Variants in XRRA1 observed in about 807,000 individuals in gnomAD.
XRRA1 encodes the protein X-ray radiation resistance-associated protein 1.
XRRA1 carries 69 observed loss-of-function variants against 80.2 expected under a neutral mutation model. The observed-to-expected ratio is 0.86, with a 90% CI of 0.71 to 1.05. XRRA1 has a LOEUF of 1.05. Among genes scored for constraint, XRRA1 ranks in the 50% least tolerant of loss-of-function variants. XRRA1 has a pLI of 0.00. For missense variants in XRRA1, 967 were observed against 976.4 expected, an observed-to-expected ratio of 0.99 and a Z score of 0.13; for synonymous variants, 348 against 389.9, an observed-to-expected ratio of 0.89 and a Z score of 1.27.
In XRRA1 at chr11:74,906,256, T is replaced by C; in HGVS notation, c.986A>G (p.Lys329Arg). 1 of 1,613,626 alleles carries C rather than the reference T, an allele frequency of 6.2e-7. No homozygotes were observed. The highest frequency in any genetic ancestry group is 8.5e-7 in the Non-Finnish European group (1 of 1,179,682). Residue 329 changes from lysine to arginine, a missense_variant, in exon 10 of 19, where the codon AAG (lysine) becomes AGG (arginine). Transcript: ENST00000684022. ...QLDYTVLPMK[K>R]DVDRTEVVFS... ...TCACTCACCTGTCCGGTCAACATCC[T>C]TTTTCATGGGCAGTACAGTATAATC...
At chr11:74,887,497 G>A (rs182996676) in intron 10 of XRRA1, among the ~76,000 whole-genome samples, 28 of 152,310 alleles carry the variant, frequency 1.8e-4, no homozygotes, top group Middle Eastern at 3.4e-3. Context: ...CAGCATGAGC[G>A]ACGCAGAACA....
chr11:74,934,272 T>C (rs1368378181), intron 4 of XRRA1, among the ~76,000 whole-genome samples: 2 of 152,254 alleles, frequency 1.3e-5, no homozygotes, highest in East Asian at 3.8e-4. Context: ...GACTGCCATA[T>C]GTCACCCGAC....
intron 10 of XRRA1, among the ~76,000 whole-genome samples, chr11:74,881,893 GCTTCC>G (rs1253056703): frequency 3.3e-5 from 5 of 149,816 alleles, no homozygotes; most frequent in Admixed American, 1.3e-4. Context: ...AGTCTGATGG[GCTTCC>G]CTTTGAGGGT....
intron 10 of XRRA1, among the ~76,000 whole-genome samples, chr11:74,896,464 G>C (rs940942244): frequency 6.6e-6 from 1 of 152,214 alleles, no homozygotes; most frequent in Non-Finnish European, 1.5e-5. Context: ...AGCGTGGGAA[G>C]GACTTTGTAC....
At chr11:74,892,882 T>A (rs1282671) in intron 10 of XRRA1, among the ~76,000 whole-genome samples, 1 of 144,012 alleles carries the variant, frequency 6.9e-6, no homozygotes, top group Non-Finnish European at 1.6e-5. Flanking sequence ...GTTAGAATGG[T>A]GATCATTAAA....
chr11:74,910,207 G>A (rs556918834), intron 8 of XRRA1, among the ~76,000 whole-genome samples: 1 of 152,254 alleles, frequency 6.6e-6, no homozygotes, highest in African/African-American at 2.4e-5. Context: ...ACAGAATAAG[G>A]GAGACATGGC....
rs573541292 is a variant in XRRA1, at chr11:74,948,028, A to G, written c.-73+900T>C. On this transcript the variant is annotated intron_variant, in intron 1 of 18. Coordinates refer to ENST00000684022, the MANE Select transcript of XRRA1 (RefSeq NM_001378157.1). ...ACGCCCGGCCGAGATAATTATTTTC[A>G]CATGAATTTTGGCTTCCCCAAGACA... 1.2e-3 allele frequency among the ~76,000 whole-genome samples: 181 copies of G among 152,310 alleles called. 2 individuals are homozygous for G. Among genetic ancestry groups the G allele is most frequent in the Non-Finnish European group, 1.6e-3 (110 of 68,024 alleles).
chr11:74,857,588 A>ATCTGAGTG (rs1399189520), intron 12 of XRRA1, among the ~76,000 whole-genome samples: 1 of 152,226 alleles, frequency 6.6e-6, no homozygotes, highest in African/African-American at 2.4e-5. Context: ...TACAGAGAAG[A>ATCTGAGTG]TCTGAGTGAC....
rs1186136222 is a variant in XRRA1, at chr11:74,880,478, T to C, written c.1004-17457A>G. On this transcript the variant is annotated intron_variant, in intron 10 of 18. Transcript: ENST00000684022. Reference sequence around the variant, plus strand: ...CTATTTCCTTCAGTTCTGCTCTGATTTTAGTTATTTCTTGCCTTCTGCTAG... The same window carrying C: ...CTATTTCCTTCAGTTCTGCTCTGATCTTAGTTATTTCTTGCCTTCTGCTAG... Among the ~76,000 whole-genome samples, 60 of 148,778 alleles carry C rather than the reference T, an allele frequency of 4.0e-4. 1 individual carries two copies. The East Asian group carries it at 9.5e-3, about 23-fold the overall frequency.
At chr11:74,906,698 C>T in intron 9 of XRRA1, 1 of 559,274 alleles carries the variant, frequency 1.8e-6, no homozygotes, top group Non-Finnish European at 3.1e-6. Flanking sequence ...AATGGCCTGG[C>T]ACAAAGTAGT....
At chr11:74,945,353 C>G (rs1307913384) in intron 1 of XRRA1, among the ~76,000 whole-genome samples, 1 of 152,054 alleles carries the variant, frequency 6.6e-6, no homozygotes, top group Non-Finnish European at 1.5e-5. Flanking sequence ...GAAGCACAAA[C>G]CTGAAAGGAC....
chr11:74,882,767 C>T (rs528233143), intron 10 of XRRA1, among the ~76,000 whole-genome samples: 14 of 152,224 alleles, frequency 9.2e-5, no homozygotes, highest in Non-Finnish European at 8.8e-5. Flanking sequence ...GAGTACCCTG[C>T]CGTGTGAGGT....
chr11:74,866,267 T>A (rs2043383389), intron 10 of XRRA1, among the ~76,000 whole-genome samples: 1 of 152,168 alleles, frequency 6.6e-6, no homozygotes, highest in Non-Finnish European at 1.5e-5. Context: ...TTTGTGCTTT[T>A]TTTGGAGACA....
intron 15 of XRRA1, chr11:74,846,103 G>C (rs2038067549): frequency 6.6e-6 from 1 of 152,170 alleles, no homozygotes; most frequent in African/African-American, 2.4e-5. Flanking sequence ...ACTTGCCTAG[G>C]TAGAAAATGG....
chr11:74,873,034 G>C (rs1395068545), intron 10 of XRRA1, among the ~76,000 whole-genome samples: 3 of 152,130 alleles, frequency 2.0e-5, no homozygotes, highest in Non-Finnish European at 4.4e-5. Flanking sequence ...ATGGGGGCCA[G>C]CATCCTTATA....
intron 10 of XRRA1, among the ~76,000 whole-genome samples, chr11:74,903,777 TGAAAAAATCA>T (rs1328662044): frequency 5.3e-5 from 8 of 152,236 alleles, no homozygotes; most frequent in South Asian, 4.1e-4. Context: ...CAATGTTGAC[TGAAAAAATCA>T]AGTAACAGAA....
intron 4 of XRRA1, among the ~76,000 whole-genome samples, chr11:74,935,030 C>G (rs1000174159): frequency 6.6e-6 from 1 of 152,176 alleles, no homozygotes; most frequent in Non-Finnish European, 1.5e-5. Flanking sequence ...CAGCTCCAAG[C>G]AATAAGTCGT....
In XRRA1 at chr11:74,848,218, C is replaced by T. The variant is rs143922076; in HGVS notation, c.1625G>A (p.Ser542Asn). Residue 542 changes from serine to asparagine, a missense_variant, in exon 15 of 19, where the codon AGT becomes AAT. Transcript: ENST00000684022. Reference sequence around the variant, plus strand: ...ACTCAGGTGGGACAGGGTCTCTTCACTATGCACAGTGGAGTTGGAGCAGAT... The same window carrying T: ...ACTCAGGTGGGACAGGGTCTCTTCATTATGCACAGTGGAGTTGGAGCAGAT... ...PPICSNSTVH[S>N]EETLSHLSDT... 1.5e-5 allele frequency: 24 copies of T among 1,613,912 alleles called. No homozygotes were observed. In the Admixed American group the frequency reaches 3.0e-4, roughly 20 times the overall value.
intron 1 of XRRA1, among the ~76,000 whole-genome samples, chr11:74,948,396 G>A (rs889237978): frequency 6.7e-6 from 1 of 150,032 alleles, no homozygotes; most frequent in African/African-American, 2.5e-5. Flanking sequence ...TGATAACTCT[G>A]TCATGGAGTA....
Sources: gnomAD v4.1 joint callset for allele counts (sites outside exome capture counted in the v4.1 genomes callset) on GRCh38, gnomAD v4.1.1 for gene constraint, MANE v1.5 for transcripts, NCBI Gene and HGNC (gene_info 2026-07-23, HGNC 2026-07-21) for gene names.